Variants in DAB1 observed in about 807,000 individuals in gnomAD.
DAB1 encodes the protein disabled homolog 1.
A neutral mutation model predicts 64.6 loss-of-function variants in DAB1; 15 were observed. The ratio of observed to expected loss-of-function variants is 0.23; its 90% CI spans 0.16 to 0.36. The LOEUF (loss-of-function observed/expected upper bound fraction) is 0.36. Ranked by LOEUF, DAB1 falls within the 10% of genes least tolerant of loss-of-function variation. DAB1 has a pLI of 1.00. For missense variants in DAB1, 596 were observed against 706.7 expected (o/e 0.84, Z 1.78); for synonymous variants, 235 against 251.9 (o/e 0.93, Z 0.64).
At chr1:57,178,300 CA>C (rs58705693) in intron 2 of DAB1, among the ~76,000 whole-genome samples, 43,422 of 123,378 alleles carry the variant, frequency 0.35, 10,182 homozygotes, top group African/African-American at 0.69. Flanking sequence ...AAGATATATG[CA>C]AAAAAAAAAA....
chr1:57,500,590 C>G (rs545524702), intron 7 of DAB1, among the ~76,000 whole-genome samples: 1 of 152,306 alleles, frequency 6.6e-6, no homozygotes, highest in African/African-American at 2.4e-5. Context: ...TTCATACATT[C>G]AAATCACAAG....
intron 1 of DAB1, among the ~76,000 whole-genome samples, chr1:57,384,389 C>G (rs1244786998): frequency 6.6e-6 from 1 of 152,158 alleles, no homozygotes; most frequent in African/African-American, 2.4e-5. Flanking sequence ...CCATATTATT[C>G]AGCAATTCTA....
At chr1:57,004,678 C>T (rs906370898) in intron 14 of DAB1, among the ~76,000 whole-genome samples, 1 of 152,180 alleles carries the variant, frequency 6.6e-6, no homozygotes, top group African/African-American at 2.4e-5. Context: ...GTTTTACATT[C>T]CTTGGCTTGA....
At chr1:57,104,196 G>C (rs1229067414) in intron 4 of DAB1, among the ~76,000 whole-genome samples, 2 of 152,122 alleles carry the variant, frequency 1.3e-5, no homozygotes, top group Non-Finnish European at 2.9e-5. Context: ...AACCTCTATG[G>C]TGGTTGTGCT....
At chr1:57,145,667 A>T (rs1659050362) in intron 2 of DAB1, among the ~76,000 whole-genome samples, 1 of 152,252 alleles carries the variant, frequency 6.6e-6, no homozygotes, top group African/African-American at 2.4e-5. Context: ...AGGGAAAAAT[A>T]AGTTAAAAAT....
At chr1:57,006,548 T>TG (rs1646074962) in intron 14 of DAB1, among the ~76,000 whole-genome samples, 1 of 152,174 alleles carries the variant, frequency 6.6e-6, no homozygotes, top group East Asian at 1.9e-4. Context: ...TGCCCTTAGC[T>TG]AGACCCTGGT....
chr1:57,289,800 C>T (rs1672620795), intron 2 of DAB1, among the ~76,000 whole-genome samples: 1 of 152,114 alleles, frequency 6.6e-6, no homozygotes. Flanking sequence ...CAATCCTCTC[C>T]CATGCAGCTG....
intron 1 of DAB1, chr1:58,538,835 G>A (rs746189958): frequency 3.5e-6 from 3 of 864,854 alleles, no homozygotes; most frequent in Non-Finnish European, 6.0e-6. Flanking sequence ...ACTGGTTTAA[G>A]AATCATCAAC....
intron 7 of DAB1, among the ~76,000 whole-genome samples, chr1:57,441,075 A>C (rs1685924429): frequency 6.6e-6 from 1 of 152,156 alleles, no homozygotes; most frequent in African/African-American, 2.4e-5. Context: ...AAAGACAAAA[A>C]AAAATAGACA....
intron 5 of DAB1, among the ~76,000 whole-genome samples, chr1:58,141,350 A>T (rs935611909): frequency 1.3e-5 from 2 of 151,962 alleles, no homozygotes; most frequent in African/African-American, 4.8e-5. Flanking sequence ...CCTTTATAAA[A>T]CCATCAGATC....
chr1:58,420,073 G>A (rs918074636), intron 3 of DAB1, among the ~76,000 whole-genome samples: 1 of 152,174 alleles, frequency 6.6e-6, no homozygotes, highest in African/African-American at 2.4e-5. Flanking sequence ...TTTACTCTCA[G>A]GACCCTAATT....
At chr1:58,414,713 C>T (rs1208585968) in intron 3 of DAB1, among the ~76,000 whole-genome samples, 2 of 150,718 alleles carry the variant, frequency 1.3e-5, no homozygotes, top group Non-Finnish European at 1.5e-5. Context: ...GAAAAAAAGT[C>T]GGGGGTGAGC....
At chr1:57,092,679 G>T (rs1484385250) in intron 4 of DAB1, among the ~76,000 whole-genome samples, 2 of 121,538 alleles carry the variant, frequency 1.6e-5, no homozygotes, top group African/African-American at 6.1e-5. Context: ...GGGGAGGGGG[G>T]TGGGGGGGCA....
intron 7 of DAB1, among the ~76,000 whole-genome samples, chr1:57,596,947 A>G (rs556190912): frequency 1.3e-5 from 2 of 152,178 alleles, no homozygotes; most frequent in East Asian, 3.9e-4. Flanking sequence ...GTGCCTAACC[A>G]TTTTTTTGCT....
At chr1:57,245,253 G>C (rs1435417012) in intron 2 of DAB1, among the ~76,000 whole-genome samples, 1 of 152,184 alleles carries the variant, frequency 6.6e-6, no homozygotes, top group Admixed American at 6.5e-5. Context: ...ACTTGAGTGA[G>C]ATGATTTAGG....
rs369483289 is a variant in DAB1, at chr1:58,534,058, A to G, written n.33-6723T>C. 1.1e-5 allele frequency: 10 copies of G among 870,418 alleles called. No homozygotes were observed. In the African/African-American group the frequency reaches 1.6e-4, roughly 14 times the overall value. 53.9% of individuals were successfully genotyped at this position (870,418 alleles called of 1,614,324 possible). ...ATCCAGTGAAAACAAACATTTGTCC[A>G]TTCTGCACCACAAAGAAAATAATGT... On this transcript the variant is annotated intron_variant and non_coding_transcript_variant, in intron 1 of 20. Transcript: ENST00000485760.
intron 5 of DAB1, among the ~76,000 whole-genome samples, chr1:57,905,789 A>G (rs1415003920): frequency 1.3e-5 from 2 of 152,206 alleles, no homozygotes; most frequent in African/African-American, 2.4e-5. Context: ...AGACATGAAA[A>G]GACAGTGGCT....
At chr1:57,453,498 A>G (rs1426237329) in intron 7 of DAB1, among the ~76,000 whole-genome samples, 1 of 152,188 alleles carries the variant, frequency 6.6e-6, no homozygotes, top group Non-Finnish European at 1.5e-5. Context: ...ATCAGAAAGC[A>G]TGATGCAATT....
chr1:58,219,482 C>G (rs1397146395), intron 4 of DAB1, among the ~76,000 whole-genome samples: 1 of 152,182 alleles, frequency 6.6e-6, no homozygotes, highest in Non-Finnish European at 1.5e-5. Flanking sequence ...AATCTCCACT[C>G]CCACCAACCT....
Sources: allele counts gnomAD v4.1 joint callset (sites outside exome capture counted in the v4.1 genomes callset), GRCh38; gene constraint gnomAD v4.1.1; transcripts MANE v1.5; gene names NCBI Gene and HGNC (gene_info 2026-07-23, HGNC 2026-07-21).